Variants in TP53INP1 observed in about 807,000 individuals in gnomAD.
TP53INP1 encodes tumor protein p53-inducible nuclear protein 1.
Under a neutral mutation model 21.0 loss-of-function variants are expected in TP53INP1, and 12 were observed. That is an observed-to-expected ratio of 0.57 (90% confidence interval 0.37 to 0.93). The LOEUF is 0.93. Among genes scored for constraint, TP53INP1 ranks in the 40% least tolerant of loss-of-function variants. TP53INP1 has a pLI of 0.01. For missense variants in TP53INP1, 274 were observed against 294.7 expected (o/e 0.93, Z 0.51); for synonymous variants, 91 against 94.8 (o/e 0.96, Z 0.23).
At chr8:94,932,808 TAAAA>T (rs749341346) in intron 3 of TP53INP1, among the ~76,000 whole-genome samples, 2 of 140,778 alleles carry the variant, frequency 1.4e-5, no homozygotes, top group Non-Finnish European at 3.1e-5. Context: ...GTCTCAAAAA[TAAAA>T]AAAAAAGAAT....
chr8:94,931,955 G>A (rs1166510118), intron 3 of TP53INP1: 2 of 991,134 alleles, frequency 2.0e-6, no homozygotes, highest in Non-Finnish European at 3.0e-6. Context: ...CTGAGTGACA[G>A]AGTGAGACTC....
chr8:94,934,409 A>G (rs1173958876), intron 3 of TP53INP1, among the ~76,000 whole-genome samples: 1 of 151,022 alleles, frequency 6.6e-6, no homozygotes, highest in Admixed American at 6.6e-5. Context: ...TTTTTGAGAC[A>G]GAGCCTTGCT....
At chr8:94,930,935 T>C (rs893636991) in intron 3 of TP53INP1, among the ~76,000 whole-genome samples, 3 of 152,236 alleles carry the variant, frequency 2.0e-5, no homozygotes, top group African/African-American at 7.2e-5. Flanking sequence ...ACTAGAAAGA[T>C]GCCATATAAG....
intron 3 of TP53INP1, among the ~76,000 whole-genome samples, chr8:94,938,255 T>C (rs981169255): frequency 6.6e-6 from 1 of 152,224 alleles, no homozygotes; most frequent in African/African-American, 2.4e-5. Flanking sequence ...AGTACGATGA[T>C]GGATGGAATG....
chr8:94,941,794 G>A (rs1821560070), intron 1 of TP53INP1, among the ~76,000 whole-genome samples: 1 of 152,172 alleles, frequency 6.6e-6, no homozygotes, highest in African/African-American at 2.4e-5. Flanking sequence ...ACTTCAGCTG[G>A]CAACAGCTCC....
chr8:94,929,595 A>G lies in TP53INP1; in HGVS notation c.*884T>C, dbSNP rs1820199142. The G allele has an allele frequency of 6.6e-6, 1 of 152,150 alleles. No homozygotes were observed. 9.4% of individuals were successfully genotyped at this position (152,150 alleles called of 1,614,324 possible). On this transcript the variant is annotated 3_prime_UTR_variant, in exon 4 of 4. Transcript: ENST00000342697. The stretch of plus-strand genomic sequence containing the variant: ...TATCTCTTTTCCCATGGGCAGAGAG[A>G]AATATGAAGTCACTTGAGTGCCTGG...
At chr8:94,938,181 G>A (rs1821176833) in intron 3 of TP53INP1, among the ~76,000 whole-genome samples, 1 of 152,166 alleles carries the variant, frequency 6.6e-6, no homozygotes, top group Non-Finnish European at 1.5e-5. Context: ...TCTGCTTTTG[G>A]AAACCAACAA....
Position 94,933,515 on chromosome 8 carries a change from AG to A in TP53INP1, c.474-2788del, listed in dbSNP as rs201861029. ...CACAGTGGCTCATACCTGTAATCCC[AG>A]CACTTTGGAAGGCCAAGGCAGGTGG... is the stretch of plus-strand genomic sequence containing the variant. On this transcript the variant is annotated intron_variant, in intron 3 of 3. Coordinates refer to ENST00000342697, the MANE Select transcript of TP53INP1 (RefSeq NM_033285.4). Among the ~76,000 whole-genome samples the A allele has an allele frequency of 2.1e-3, 323 of 152,328 alleles. 12 individuals carry two copies. The East Asian group carries it at 0.058, about 27-fold the overall frequency.
At chr8:94,937,262 G>A (rs541718645) in intron 3 of TP53INP1, among the ~76,000 whole-genome samples, 2 of 152,202 alleles carry the variant, frequency 1.3e-5, no homozygotes, top group African/African-American at 4.8e-5. Flanking sequence ...CAAATATGGT[G>A]AAACCCCCTT....
rs552420530 is a variant in TP53INP1 at position 94,947,684 on chromosome 8, C to A, written c.-151+1470G>T. On this transcript the variant is annotated intron_variant, in intron 1 of 3. Coordinates refer to ENST00000342697, the MANE Select transcript of TP53INP1 (RefSeq NM_033285.4). ...TCCCCCAGGGATCCACCCCTGTCTG[C>A]CCCTAAGGCTGAAAGACAGTGGACA... Among the ~76,000 whole-genome samples, 3 of 152,334 alleles carry A rather than the reference C, an allele frequency of 2.0e-5. No homozygotes were observed. The East Asian group carries it at 5.8e-4, about 29-fold the overall frequency.
At chr8:94,931,985 A>C (rs1464638674) in intron 3 of TP53INP1, 6 of 1,366,218 alleles carry the variant, frequency 4.4e-6, no homozygotes, top group Non-Finnish European at 5.1e-6. Context: ...AAAAGAAAGA[A>C]AGTCATTTTT....
intron 3 of TP53INP1, among the ~76,000 whole-genome samples, chr8:94,931,586 T>TCACACA (rs1359658404): frequency 6.5e-5 from 3 of 46,122 alleles, no homozygotes; most frequent in Non-Finnish European, 1.1e-4. Flanking sequence ...CACATATTTA[T>TCACACA]TACACACACA....
chr8:94,934,320 C>G (rs780473145), intron 3 of TP53INP1, among the ~76,000 whole-genome samples: 1 of 152,082 alleles, frequency 6.6e-6, no homozygotes, highest in Non-Finnish European at 1.5e-5. Flanking sequence ...TGACTACACA[C>G]ACACACAACA....
chr8:94,945,637 G>A (rs1384239531), intron 1 of TP53INP1: 6 of 152,184 alleles, frequency 3.9e-5, no homozygotes, highest in Admixed American at 3.3e-4. Context: ...GAAAAGTAGA[G>A]CTTTAGACTC....
chr8:94,943,706 G>A (rs768549881), intron 1 of TP53INP1, among the ~76,000 whole-genome samples: 2 of 152,204 alleles, frequency 1.3e-5, no homozygotes, highest in Non-Finnish European at 2.9e-5. Context: ...TGCTACAGTT[G>A]TTTGGCACAC....
chr8:94,932,729 G>A (rs1293660959), intron 3 of TP53INP1, among the ~76,000 whole-genome samples: 2 of 152,222 alleles, frequency 1.3e-5, no homozygotes, highest in Non-Finnish European at 2.9e-5. Flanking sequence ...CATGAACCCA[G>A]GAGGCGGAGC....
At chr8:94,931,321 C>A (rs1820369312) in intron 3 of TP53INP1, among the ~76,000 whole-genome samples, 1 of 152,092 alleles carries the variant, frequency 6.6e-6, no homozygotes, top group Non-Finnish European at 1.5e-5. Context: ...TAGAATAAAT[C>A]TCTTAAGTTT....
intron 1 of TP53INP1, among the ~76,000 whole-genome samples, chr8:94,941,768 G>T (rs1262157401): frequency 1.3e-5 from 2 of 152,208 alleles, no homozygotes; most frequent in Non-Finnish European, 1.5e-5. Flanking sequence ...TGCTGTGTGA[G>T]TTAGGAAGTT....
chr8:94,936,643 C>A (rs74542998), intron 3 of TP53INP1, among the ~76,000 whole-genome samples: 3,111 of 152,162 alleles, frequency 0.02, 36 homozygotes, highest in African/African-American at 0.032. Flanking sequence ...ACAATGAAAA[C>A]CTGGACTTTT....
Sources: gnomAD v4.1 joint callset for allele counts (sites outside exome capture counted in the v4.1 genomes callset) on GRCh38, gnomAD v4.1.1 for gene constraint, MANE v1.5 for transcripts, NCBI Gene and HGNC (gene_info 2026-07-23, HGNC 2026-07-21) for gene names.